CNBD1: variants seen among roughly 807,000 people sequenced by gnomAD.
CNBD1 encodes cyclic nucleotide binding domain containing 1.
A neutral mutation model predicts 54.4 loss-of-function variants in CNBD1; 71 were observed. The observed-to-expected ratio is 1.30, with a 90% confidence interval of 1.08 to 1.59. The LOEUF (loss-of-function observed/expected upper bound fraction) is 1.59. Among genes scored for constraint, CNBD1 ranks in the 40% most tolerant of loss-of-function variants. The probability of loss-of-function intolerance (pLI) is 0.00; values close to 1 mark genes in which losing one functional copy is unlikely to be tolerated. For synonymous variants in CNBD1, 182 were observed against 170.7 expected (o/e 1.07, Z -0.51); for missense variants, 659 against 518.0 (o/e 1.27, Z -2.64).
chr8:87,020,071 T>G (rs1809451228), intron 4 of CNBD1, among the ~76,000 whole-genome samples: 1 of 152,160 alleles, frequency 6.6e-6, no homozygotes, highest in Non-Finnish European at 1.5e-5. Context: ...TATTTCTACC[T>G]GTAACCTTGG....
intron 4 of CNBD1, among the ~76,000 whole-genome samples, chr8:87,096,963 C>T (rs921633355): frequency 6.6e-5 from 10 of 152,212 alleles, no homozygotes; most frequent in Non-Finnish European, 8.8e-5. Flanking sequence ...CAAGAAGCAG[C>T]AGCTCAGGAT....
At chr8:87,209,173 C>T (rs1356734748) in intron 5 of CNBD1, among the ~76,000 whole-genome samples, 7 of 152,022 alleles carry the variant, frequency 4.6e-5, no homozygotes, top group Admixed American at 4.6e-4. Flanking sequence ...GAAAGGAAGG[C>T]TTCACTGCTG....
At chr8:87,258,885 A>G (rs11989461) in intron 6 of CNBD1, among the ~76,000 whole-genome samples, 43,351 of 152,064 alleles carry the variant, frequency 0.29, 6,678 homozygotes, top group African/African-American at 0.4. Flanking sequence ...ATATTTTCAC[A>G]CAGAGTGTTT....
At chr8:87,384,844 G>A (rs1811151751), downstream of CNBD1, among the ~76,000 whole-genome samples, 1 of 152,090 alleles carries the variant, frequency 6.6e-6, no homozygotes, top group South Asian at 2.1e-4. Context: ...ATCATGCATG[G>A]GATGACTGAT....
chr8:87,022,647 G>A (rs951636338), intron 4 of CNBD1, among the ~76,000 whole-genome samples: 7 of 152,036 alleles, frequency 4.6e-5, no homozygotes, highest in African/African-American at 1.2e-4. Context: ...TTCCAATTGC[G>A]TACACATTTA....
chr8:87,406,783 T>A (rs1253889743), intron 2 of CNBD1, among the ~76,000 whole-genome samples: 1 of 151,990 alleles, frequency 6.6e-6, no homozygotes, highest in African/African-American at 2.4e-5. Flanking sequence ...CGGCCCTCAG[T>A]TTACATATTA....
intron 4 of CNBD1, among the ~76,000 whole-genome samples, chr8:86,987,538 G>C (rs1808635657): frequency 6.6e-6 from 1 of 152,146 alleles, no homozygotes; most frequent in African/African-American, 2.4e-5. Context: ...CCAGTACTAT[G>C]TTGAATAGGA....
rs528374656 is a variant in CNBD1, at chr8:87,369,725, CT to C, written c.1304-12885del. On this transcript the variant is annotated intron_variant, in intron 10 of 10. Coordinates refer to ENST00000518476, the MANE Select transcript of CNBD1 (RefSeq NM_173538.3). ...TTTGTCACTTTCCTAGTGCTGCTTT[CT>C]TTTTTTTTTATTATTATACTTTAAG... Among the ~76,000 whole-genome samples, 511 of 149,880 alleles carry C rather than the reference CT, an allele frequency of 3.4e-3. 5 individuals are homozygous for C. Among genetic ancestry groups the C allele is most frequent in the African/African-American group, 0.011 (442 of 40,852 alleles).
rs185159794 is a variant in CNBD1, at chr8:87,338,360, G to T, written c.1043-13325G>T. ...TCTTTTAATATTTCTTGCAAGGCAG[G>T]TCTGACAGCAACAAATTCTCTCATT... On this transcript the variant is annotated intron_variant, in intron 8 of 10. Transcript: ENST00000518476. Among the ~76,000 whole-genome samples the T allele has an allele frequency of 3.7e-3, 560 of 152,170 alleles. 2 individuals are homozygous for T. Among genetic ancestry groups the T allele is most frequent in the African/African-American group, 0.013 (536 of 41,532 alleles).
At chr8:86,917,445 C>G (rs1012456829) in intron 3 of CNBD1, among the ~76,000 whole-genome samples, 52 of 152,276 alleles carry the variant, frequency 3.4e-4, no homozygotes, top group African/African-American at 1.2e-3. Context: ...AGACAGATGT[C>G]TTGTGATCTA....
intron 8 of CNBD1, among the ~76,000 whole-genome samples, chr8:87,346,149 C>A (rs548639415): frequency 6.6e-6 from 1 of 152,122 alleles, no homozygotes; most frequent in South Asian, 2.1e-4. Flanking sequence ...TTAAGTGATT[C>A]TCCTGCCTCA....
chr8:87,409,209 C>A (rs1442057623), intron 2 of CNBD1, among the ~76,000 whole-genome samples: 1 of 152,046 alleles, frequency 6.6e-6, no homozygotes, highest in African/African-American at 2.4e-5. Flanking sequence ...GGTAAACATG[C>A]AAATAATAAG....
chr8:87,211,744 C>T (rs1311557728), intron 5 of CNBD1, among the ~76,000 whole-genome samples: 1 of 152,204 alleles, frequency 6.6e-6, no homozygotes, highest in Non-Finnish European at 1.5e-5. Context: ...CATGCTCATG[C>T]AGCCTGCAGA....
intron 4 of CNBD1, among the ~76,000 whole-genome samples, chr8:87,095,954 G>T (rs377594615): frequency 6.6e-6 from 1 of 152,168 alleles, no homozygotes; most frequent in African/African-American, 2.4e-5. Flanking sequence ...CACAACGCCC[G>T]GCCCTGTTAT....
At chr8:87,225,209 T>G (rs1167081986) in intron 5 of CNBD1, among the ~76,000 whole-genome samples, 2,096 of 148,670 alleles carry the variant, frequency 0.014, 51 homozygotes, top group African/African-American at 0.05. Flanking sequence ...TTTGACTTCC[T>G]CTTTTCCTAA....
At chr8:87,412,900 A>G (rs1269216680) in intron 2 of CNBD1, among the ~76,000 whole-genome samples, 1 of 152,028 alleles carries the variant, frequency 6.6e-6, no homozygotes, top group East Asian at 1.9e-4. Context: ...GAATAGAGAA[A>G]AAGTCAATTA....
chr8:87,083,525 T>C (rs879586117), intron 4 of CNBD1, among the ~76,000 whole-genome samples: 9 of 151,726 alleles, frequency 5.9e-5, no homozygotes, highest in Non-Finnish European at 1.3e-4. Context: ...AATTTACCTA[T>C]AGCCTGGACT....
At chr8:87,212,654 T>G (rs951839103) in intron 5 of CNBD1, among the ~76,000 whole-genome samples, 4 of 152,090 alleles carry the variant, frequency 2.6e-5, no homozygotes, top group Admixed American at 2.6e-4. Context: ...AATATCAAGA[T>G]GCTAAATAAT....
At chr8:87,359,820 TGTTA>T (rs1482021791) in intron 10 of CNBD1, among the ~76,000 whole-genome samples, 1 of 152,048 alleles carries the variant, frequency 6.6e-6, no homozygotes, top group Non-Finnish European at 1.5e-5. Context: ...TATTATTAGC[TGTTA>T]TATTACATAG....
Sources: allele counts gnomAD v4.1 joint callset (sites outside exome capture counted in the v4.1 genomes callset), GRCh38; gene constraint gnomAD v4.1.1; transcripts MANE v1.5; gene names NCBI Gene and HGNC (gene_info 2026-07-23, HGNC 2026-07-21).